The following PREX1 variants were observed in gnomAD, a reference collection of about 807,000 sequenced individuals.
The protein encoded by PREX1 is phosphatidylinositol 3,4,5-trisphosphate-dependent Rac exchanger 1 protein.
A neutral mutation model predicts 198.3 loss-of-function variants in PREX1; 41 were observed. The ratio of observed to expected loss-of-function variants is 0.21; its 90% confidence interval spans 0.16 to 0.27. PREX1 has a LOEUF of 0.27. PREX1 is among the 10% of genes least tolerant of loss of function. PREX1 has a pLI of 1.00. For missense variants in PREX1, 1,620 were observed against 2,200.7 expected (o/e 0.74, Z 5.28); for synonymous variants, 843 against 887.2 (o/e 0.95, Z 0.89).
chr20:48,758,143 G>A (rs1180400122), intron 1 of PREX1, among the ~76,000 whole-genome samples: 2 of 152,152 alleles, frequency 1.3e-5, no homozygotes, highest in Non-Finnish European at 2.9e-5. Flanking sequence ...AGGGAAGGCA[G>A]CCCACGAAGG....
intron 9 of PREX1, 30 bp downstream of exon 9, chr20:48,690,908 TCAGGGATCC>T (rs757863939): frequency 1.2e-6 from 2 of 1,611,918 alleles, no homozygotes; most frequent in African/African-American, 1.3e-5. Flanking sequence ...CACGCATAGC[TCAGGGATCC>T]CAGGCGAGCA....
chr20:48,753,034 G>C (rs1048800272), intron 1 of PREX1, among the ~76,000 whole-genome samples: 1 of 152,132 alleles, frequency 6.6e-6, no homozygotes, highest in Admixed American at 6.5e-5. Flanking sequence ...AGGCGTTCAA[G>C]TTCCTCTAAA....
chr20:48,871,783 A>C, the PREX1 span, among the ~76,000 whole-genome samples: 3 of 136,788 alleles, frequency 2.2e-5, no homozygotes, highest in African/African-American at 8.4e-5. Context: ...TGGTAATCAC[A>C]CCAGACACAA....
At chr20:48,734,679 G>C (rs2090049314) in intron 3 of PREX1, 29 bp from the exon 4 acceptor site, 2 of 1,602,088 alleles carry the variant, frequency 1.2e-6, no homozygotes, top group Non-Finnish European at 1.7e-6. Flanking sequence ...GCCTGTGGGA[G>C]GCAGGTCATG....
At chr20:48,821,761 G>T (rs2090486456) in intron 1 of PREX1, 1 of 152,216 alleles carries the variant, frequency 6.6e-6, no homozygotes, top group South Asian at 2.1e-4. Flanking sequence ...CCTGATAAAG[G>T]AGTATCTTTC....
chr20:48,865,766 A>G, the PREX1 span, among the ~76,000 whole-genome samples: 1 of 152,298 alleles, frequency 6.6e-6, no homozygotes, highest in East Asian at 1.9e-4. Context: ...GCATTTCTCA[A>G]TGCCTAGGAC....
chr20:48,758,667 C>T (rs1055566838), intron 1 of PREX1, among the ~76,000 whole-genome samples: 3 of 152,158 alleles, frequency 2.0e-5, no homozygotes, highest in African/African-American at 7.2e-5. Context: ...AGGCAGTCCC[C>T]GGTCAGACGT....
chr20:48,660,298 C>T (rs1395606996), intron 15 of PREX1, among the ~76,000 whole-genome samples: 2 of 152,226 alleles, frequency 1.3e-5, no homozygotes, highest in Admixed American at 1.3e-4. Context: ...TATAAAAAGA[C>T]ATTAATATTT....
chr20:48,819,420 T>C (rs547608861), intron 1 of PREX1, among the ~76,000 whole-genome samples: 4 of 152,286 alleles, frequency 2.6e-5, no homozygotes, highest in African/African-American at 9.6e-5. Flanking sequence ...CAGGACTTGG[T>C]CAAATGTCAT....
chr20:48,686,367 C>T (rs2089784576), intron 10 of PREX1, among the ~76,000 whole-genome samples: 1 of 152,194 alleles, frequency 6.6e-6, no homozygotes, highest in South Asian at 2.1e-4. Context: ...AGAATAATCT[C>T]CTGCAGAAAG....
chr20:48,867,790 G>C, the PREX1 span, among the ~76,000 whole-genome samples: 101 of 151,992 alleles, frequency 6.6e-4, 2 homozygotes, highest in South Asian at 0.015. Context: ...GTGAGACTCT[G>C]TCTCAAACAA....
At chr20:48,729,423 G>C (rs2090024531) in intron 4 of PREX1, among the ~76,000 whole-genome samples, 1 of 151,986 alleles carries the variant, frequency 6.6e-6, no homozygotes, top group Admixed American at 6.6e-5. Context: ...AAAACACTCA[G>C]GTTTATCTCT....
intron 1 of PREX1, among the ~76,000 whole-genome samples, chr20:48,763,882 T>C (rs1050534996): frequency 6.6e-6 from 1 of 152,168 alleles, no homozygotes; most frequent in African/African-American, 2.4e-5. Context: ...GAGTGTCAAC[T>C]ATGTACCCAA....
intron 1 of PREX1, among the ~76,000 whole-genome samples, chr20:48,817,095 G>A (rs889054290): frequency 2.6e-5 from 4 of 152,216 alleles, no homozygotes; most frequent in Non-Finnish European, 5.9e-5. Context: ...GGGAAGCAGC[G>A]TGTTCTGTGC....
At chr20:48,668,967 C>G (rs1001827048) in intron 14 of PREX1, among the ~76,000 whole-genome samples, 1 of 152,076 alleles carries the variant, frequency 6.6e-6, no homozygotes, top group African/African-American at 2.4e-5. Flanking sequence ...GCTCCTAAAG[C>G]TAGGCCAGCA....
intron 13 of PREX1, among the ~76,000 whole-genome samples, 194 bp from the exon 14 acceptor site, chr20:48,676,462 C>A (rs2089710279): frequency 6.6e-6 from 1 of 152,206 alleles, no homozygotes; most frequent in South Asian, 2.1e-4. Flanking sequence ...CTGTTCCAAA[C>A]CAGGCCTCCT....
Position 48,632,618 on chromosome 20 carries a change from A to G in PREX1, c.4289T>C (p.Ile1430Thr), listed in dbSNP as rs200234810. 38 of 1,613,728 alleles carry G rather than the reference A, an allele frequency of 2.4e-5. No individual in the cohort carries two copies. The highest frequency in any genetic ancestry group is 1.6e-4 in the African/African-American group (12 of 75,010). The change falls in exon 34 of 40, where the codon ATT becomes ACT. Residue 1430 changes from isoleucine to threonine, a missense_variant. Ile to Thr is a moderately conservative substitution (Grantham distance 89, BLOSUM62 -1). This residue lies in a region of PREX1 where 476 missense variants were observed against 603.4 expected (regional missense o/e 0.79). Transcript: ENST00000371941. The stretch of plus-strand genomic sequence containing the variant: ...CTTCAGCGCCTGCCGGCTGCCCTCA[A>G]TGTGGTAGAAGACGTTGGTGTCTGC... Reference protein sequence around the residue: ...YVANTNVFYHIEGSRQALKVI... With the variant: ...YVANTNVFYHTEGSRQALKVI...
At chr20:48,667,272 C>T (rs1003533568) in intron 14 of PREX1, among the ~76,000 whole-genome samples, 30 of 152,246 alleles carry the variant, frequency 2.0e-4, no homozygotes, top group African/African-American at 6.3e-4. Context: ...TCTCATGCTA[C>T]AGAAACACAA....
chr20:48,739,143 C>T (rs565306380), intron 3 of PREX1, among the ~76,000 whole-genome samples: 2 of 152,288 alleles, frequency 1.3e-5, no homozygotes, highest in South Asian at 2.1e-4. Context: ...CTCTCTATCA[C>T]TCACTCTGCT....
Sources: allele counts gnomAD v4.1 joint callset (sites outside exome capture counted in the v4.1 genomes callset), GRCh38; gene constraint gnomAD v4.1.1; regional missense constraint gnomAD v4.1.1; transcripts MANE v1.5; gene names NCBI Gene and HGNC (gene_info 2026-07-23, HGNC 2026-07-21).